NFILZ: variants seen among roughly 807,000 people sequenced by gnomAD.
NFILZ encodes NFIL3 like protein.
In NFILZ at chr19:8,652,029, T is replaced by A. The variant is rs77124912; in HGVS notation, c.-164+16283T>A. On this transcript the variant is annotated intron_variant, in intron 3 of 5. Coordinates refer to ENST00000691075, the MANE Select transcript of NFILZ (RefSeq NM_001378600.1). Reference sequence around the variant, plus strand: ...CTGGATTTAGACTAGAAAGAAATAATAAAAGATGATTTAAAGATGAAAACA... The same window carrying A: ...CTGGATTTAGACTAGAAAGAAATAAAAAAAGATGATTTAAAGATGAAAACA... Among the ~76,000 whole-genome samples the A allele has an allele frequency of 6.2e-3, 938 of 152,042 alleles. 15 individuals carry two copies. Among genetic ancestry groups the A allele is most frequent in the African/African-American group, 0.022 (896 of 41,482 alleles).
chr19:8,651,696 T>C (rs2042965579), intron 3 of NFILZ, among the ~76,000 whole-genome samples: 1 of 152,080 alleles, frequency 6.6e-6, no homozygotes, highest in Non-Finnish European at 1.5e-5. Context: ...CATGCCTGGC[T>C]AATTTTTAAA....
At chr19:8,631,050 T>A (rs782535878) in intron 1 of NFILZ, among the ~76,000 whole-genome samples, 5 of 152,232 alleles carry the variant, frequency 3.3e-5, no homozygotes, top group Admixed American at 6.5e-5. Flanking sequence ...AATAGACACC[T>A]GTGCTTTGCA....
chr19:8,664,714 A>G (rs1298533408), intron 3 of NFILZ, among the ~76,000 whole-genome samples: 9 of 152,018 alleles, frequency 5.9e-5, no homozygotes, highest in Non-Finnish European at 1.3e-4. Flanking sequence ...GGCCGTGGGA[A>G]TAGCCTCTAT....
At chr19:8,667,386 C>G (rs1190467605) in intron 3 of NFILZ, among the ~76,000 whole-genome samples, 2 of 152,120 alleles carry the variant, frequency 1.3e-5, no homozygotes, top group African/African-American at 4.8e-5. Flanking sequence ...GTCAACCCAT[C>G]TCTTGGATTT....
chr19:8,659,929 G>A (rs945552217), intron 3 of NFILZ, among the ~76,000 whole-genome samples: 1 of 152,162 alleles, frequency 6.6e-6, no homozygotes, highest in African/African-American at 2.4e-5. Flanking sequence ...GGCTCCAAGG[G>A]CCGGAAGACA....
chr19:8,663,787 T>TGTGTGTGTGTGTGTGTGTGTGTGTATG (rs2043048906), intron 3 of NFILZ, among the ~76,000 whole-genome samples: 1 of 148,740 alleles, frequency 6.7e-6, no homozygotes, highest in African/African-American at 2.5e-5. Flanking sequence ...TGTGTGTTTG[T>TGTGTGTGTGTGTGTGTGTGTGTGTATG]TGTGGGGGGG....
At chr19:8,658,068 GCATTC>G (rs1282204944) in intron 3 of NFILZ, among the ~76,000 whole-genome samples, 4 of 152,196 alleles carry the variant, frequency 2.6e-5, no homozygotes, top group Admixed American at 2.6e-4. Context: ...TCTGGCAGGA[GCATTC>G]CAGGCAGAGG....
At chr19:8,652,998 TCCTTCCTTCCTTC>T (rs2042973413) in intron 3 of NFILZ, among the ~76,000 whole-genome samples, 33 of 26,032 alleles carry the variant, frequency 1.3e-3, no homozygotes, top group African/African-American at 1.8e-3. Flanking sequence ...CTTCCTTCCT[TCCTTCCTTCCTTC>T]CTTTCTTTCT....
intron 3 of NFILZ, among the ~76,000 whole-genome samples, chr19:8,652,647 C>A (rs557712199): frequency 1.3e-5 from 2 of 152,278 alleles, no homozygotes; most frequent in South Asian, 4.1e-4. Context: ...GCTGGAATTG[C>A]GCTGCTTGCA....
chr19:8,653,008 C>CTTTG, intron 3 of NFILZ, among the ~76,000 whole-genome samples: 1 of 25,592 alleles, frequency 3.9e-5, no homozygotes, highest in Admixed American at 4.4e-4. Context: ...TCCTTCCTTC[C>CTTTG]TTCCTTTCTT....
intron 3 of NFILZ, among the ~76,000 whole-genome samples, chr19:8,667,437 G>C (rs1175036841): frequency 6.6e-6 from 1 of 152,230 alleles, no homozygotes; most frequent in South Asian, 2.1e-4. Flanking sequence ...GGGGGGGATT[G>C]GTTCTGGGGT....
At chr19:8,661,157 C>T (rs2043030321) in intron 3 of NFILZ, among the ~76,000 whole-genome samples, 1 of 140,646 alleles carries the variant, frequency 7.1e-6, no homozygotes, top group African/African-American at 2.7e-5. Flanking sequence ...CTTCCCTTTT[C>T]TCTCTCTCTC....
rs78094273 is a variant in NFILZ, at chr19:8,646,329, G to A, written c.-164+10583G>A. 1.9e-4 allele frequency among the ~76,000 whole-genome samples: 29 copies of A among 152,254 alleles called. No individual in the cohort carries two copies. In the South Asian group the frequency reaches 4.1e-3, roughly 22 times the overall value. On this transcript the variant is annotated intron_variant, in intron 3 of 5. Transcript: ENST00000691075. ...TGGGATTACAGGCGTGAGGCACTGC[G>A]CCCAGCCTAACCACTTGCCTTGTAT...
At chr19:8,654,236 A>G (rs2042981831) in intron 3 of NFILZ, among the ~76,000 whole-genome samples, 2 of 151,390 alleles carry the variant, frequency 1.3e-5, no homozygotes, top group African/African-American at 4.9e-5. Flanking sequence ...CTGTCTCAAA[A>G]CAAACAAACA....
At chr19:8,673,718 C>T (rs2043098570) in intron 3 of NFILZ, among the ~76,000 whole-genome samples, 1 of 152,060 alleles carries the variant, frequency 6.6e-6, no homozygotes, top group Admixed American at 6.6e-5. Context: ...CAGAGGAGTT[C>T]CTGGGCATGG....
At chr19:8,676,123 A>G (rs1000490178) in intron 4 of NFILZ, among the ~76,000 whole-genome samples, 2 of 152,082 alleles carry the variant, frequency 1.3e-5, no homozygotes, top group African/African-American at 4.8e-5. Context: ...AAATGGATAG[A>G]TGGTGAGTTG....
intron 3 of NFILZ, among the ~76,000 whole-genome samples, chr19:8,655,372 G>T (rs1201499990): frequency 2.0e-5 from 3 of 152,134 alleles, no homozygotes; most frequent in African/African-American, 7.2e-5. Flanking sequence ...GGACAAGCAG[G>T]TCTTCCTCCC....
intron 3 of NFILZ, chr19:8,638,533 C>T (rs1223429537): frequency 1.3e-5 from 2 of 152,218 alleles, no homozygotes; most frequent in Non-Finnish European, 2.9e-5. Flanking sequence ...GGAACGAACA[C>T]CTCCTGCGTG....
intron 3 of NFILZ, among the ~76,000 whole-genome samples, chr19:8,653,038 TTCTCTCTCTCTCTC>T (rs1163296485): frequency 0.018 from 1,606 of 89,794 alleles, 8 homozygotes; most frequent in Non-Finnish European, 0.023. Context: ...CTTTCTTTCT[TTCTCTCTCTCTCTC>T]TCTCTCTCTC....
Sources: allele counts gnomAD v4.1 joint callset (sites outside exome capture counted in the v4.1 genomes callset), GRCh38; gene constraint gnomAD v4.1.1; transcripts MANE v1.5; gene names NCBI Gene and HGNC (gene_info 2026-07-23, HGNC 2026-07-21).